Variants in LRRC4C observed in about 807,000 individuals in gnomAD.
The protein encoded by LRRC4C is leucine rich repeat containing 4C.
Under a neutral mutation model 33.6 loss-of-function variants are expected in LRRC4C, and 5 were observed. The observed-to-expected ratio is 0.15, with a 90% CI of 0.08 to 0.31. The LOEUF (loss-of-function observed/expected upper bound fraction) is 0.31. Among genes scored for constraint, LRRC4C ranks in the 10% least tolerant of loss-of-function variants. The pLI is 1.00. For synonymous variants in LRRC4C, 329 were observed against 302.0 expected, an observed-to-expected ratio of 1.09 and a Z score of -0.93; for missense variants, 560 against 796.7, an observed-to-expected ratio of 0.70 and a Z score of 3.58.
At chr11:40,749,473 A>C (rs1424303631) in intron 2 of LRRC4C, among the ~76,000 whole-genome samples, 6 of 135,216 alleles carry the variant, frequency 4.4e-5, no homozygotes, top group South Asian at 4.6e-4. Context: ...AAAAAAAAAA[A>C]CCCTATAATA....
chr11:40,560,600 A>T (rs1957511749), intron 3 of LRRC4C, among the ~76,000 whole-genome samples: 1 of 152,206 alleles, frequency 6.6e-6, no homozygotes, highest in Non-Finnish European at 1.5e-5. Context: ...TATTTGAAAA[A>T]AATAAGAAGA....
intron 5 of LRRC4C, among the ~76,000 whole-genome samples, chr11:40,162,447 G>A (rs966907921): frequency 1.3e-5 from 2 of 152,084 alleles, no homozygotes; most frequent in Admixed American, 1.3e-4. Context: ...GCACCTGTTT[G>A]CCTCTCACCC....
At chr11:41,334,860 C>T (rs946567088) in intron 1 of LRRC4C, among the ~76,000 whole-genome samples, 13 of 140,070 alleles carry the variant, frequency 9.3e-5, no homozygotes, top group South Asian at 2.3e-4. Context: ...CTCCAAAGAA[C>T]GAAACAAACA....
chr11:40,117,413 A>G (rs1476985855), intron 6 of LRRC4C, among the ~76,000 whole-genome samples: 1 of 152,062 alleles, frequency 6.6e-6, no homozygotes, highest in African/African-American at 2.4e-5. Context: ...CATGTTAACT[A>G]TTTTCCCATG....
At chr11:41,023,154 C>T (rs899113704) in intron 1 of LRRC4C, among the ~76,000 whole-genome samples, 1 of 151,764 alleles carries the variant, frequency 6.6e-6, no homozygotes, top group African/African-American at 2.4e-5. Context: ...AGCCCTGGCC[C>T]TGTCTTTTAC....
At chr11:40,233,345 G>A (rs1865337884) in intron 5 of LRRC4C, among the ~76,000 whole-genome samples, 1 of 152,102 alleles carries the variant, frequency 6.6e-6, no homozygotes, top group Admixed American at 6.6e-5. Flanking sequence ...TGTCATCAAT[G>A]CTTACTTCTG....
At chr11:41,449,768 G>GAA (rs35510106) in intron 1 of LRRC4C, among the ~76,000 whole-genome samples, 10,323 of 108,286 alleles carry the variant, frequency 0.095, 506 homozygotes, top group Non-Finnish European at 0.14. Context: ...CCTCTTGATG[G>GAA]AAAAAAAAAA....
chr11:40,206,951 CACAAACAA>C lies in LRRC4C; in HGVS notation c.-96+34560_-96+34567del, dbSNP rs369614534. ...GGGGGAAGGGGACACTATGCACACT[CACAAACAA>C]ACAAACAAACAAACAAACAAACACA... On this transcript the variant is annotated intron_variant, in intron 5 of 6. Coordinates refer to ENST00000528697, the MANE Select transcript of LRRC4C (RefSeq NM_001258419.2). 9.5e-4 allele frequency among the ~76,000 whole-genome samples: 144 copies of C among 151,964 alleles called. 1 individual carries two copies. The highest frequency in any genetic ancestry group is 3.4e-3 in the Middle Eastern group (1 of 294).
chr11:41,251,899 A>G (rs1433309475), intron 1 of LRRC4C, among the ~76,000 whole-genome samples: 1 of 152,222 alleles, frequency 6.6e-6, no homozygotes, highest in Non-Finnish European at 1.5e-5. Context: ...TAAGCATTAT[A>G]TTCATGAGGT....
intron 3 of LRRC4C, among the ~76,000 whole-genome samples, chr11:40,487,711 G>A (rs1953937315): frequency 6.6e-6 from 1 of 151,938 alleles, no homozygotes; most frequent in Non-Finnish European, 1.5e-5. Flanking sequence ...TTATATAAAT[G>A]GTCAACTTAC....
At chr11:40,959,114 G>C (rs796886701) in intron 1 of LRRC4C, among the ~76,000 whole-genome samples, 34 of 151,712 alleles carry the variant, frequency 2.2e-4, no homozygotes, top group African/African-American at 7.7e-4. Context: ...GTTGGTTTTA[G>C]ATGTGCTCAA....
At chr11:40,798,639 T>C (rs61888010) in intron 2 of LRRC4C, among the ~76,000 whole-genome samples, 7,025 of 147,212 alleles carry the variant, frequency 0.048, 234 homozygotes, top group Non-Finnish European at 0.074. Context: ...TTAAGTTTCT[T>C]TCTTTCTTTT....
intron 1 of LRRC4C, among the ~76,000 whole-genome samples, chr11:41,107,172 C>T (rs1228336693): frequency 6.6e-6 from 1 of 151,038 alleles, no homozygotes; most frequent in Non-Finnish European, 1.5e-5. Flanking sequence ...CCTTTGAGTG[C>T]CATGTTGGTA....
At chr11:41,132,128 A>C (rs1028649582) in intron 1 of LRRC4C, among the ~76,000 whole-genome samples, 8 of 152,116 alleles carry the variant, frequency 5.3e-5, no homozygotes, top group Middle Eastern at 3.2e-3. Context: ...AGGTCCAAAA[A>C]CCCTCTTGGA....
intron 3 of LRRC4C, among the ~76,000 whole-genome samples, chr11:40,561,444 G>A (rs1326321426): frequency 1.7e-5 from 2 of 118,860 alleles, no homozygotes; most frequent in Non-Finnish European, 3.2e-5. Flanking sequence ...ACAGAGTCTC[G>A]CTCTGTTGCC....
intron 1 of LRRC4C, among the ~76,000 whole-genome samples, chr11:41,068,942 C>G (rs989880605): frequency 6.6e-6 from 1 of 152,072 alleles, no homozygotes; most frequent in Admixed American, 6.6e-5. Context: ...AATTCTGAGA[C>G]CAAAACCTGG....
intron 3 of LRRC4C, among the ~76,000 whole-genome samples, chr11:40,571,734 C>G (rs1591142061): frequency 6.6e-6 from 1 of 152,124 alleles, no homozygotes; most frequent in Non-Finnish European, 1.5e-5. Flanking sequence ...TCTTTAAACA[C>G]CCCCTATAGC....
intron 1 of LRRC4C, among the ~76,000 whole-genome samples, chr11:41,229,400 T>C (rs191844362): frequency 8.2e-4 from 125 of 152,204 alleles, no homozygotes; most frequent in African/African-American, 2.8e-3. Context: ...CAGTGTATGG[T>C]ATTCTTTTGT....
intron 2 of LRRC4C, among the ~76,000 whole-genome samples, chr11:40,701,829 C>A (rs1353374168): frequency 1.3e-5 from 2 of 151,574 alleles, no homozygotes; most frequent in Admixed American, 1.3e-4. Context: ...TTTAAAAAAT[C>A]ATTTTACTTT....
Sources: allele counts gnomAD v4.1 joint callset (sites outside exome capture counted in the v4.1 genomes callset), GRCh38; gene constraint gnomAD v4.1.1; transcripts MANE v1.5; gene names NCBI Gene and HGNC (gene_info 2026-07-23, HGNC 2026-07-21).